The following SCAPER variants were observed in gnomAD, a reference collection of about 807,000 sequenced individuals.
SCAPER encodes the protein S-phase cyclin A associated protein in the ER, also known as S phase cyclin A-associated protein in the endoplasmic reticulum.
In SCAPER, 98 loss-of-function variants were observed where a neutral mutation model predicts 182.2. The ratio of observed to expected loss-of-function variants is 0.54; its 90% CI spans 0.46 to 0.64. SCAPER has a LOEUF of 0.64. Ranked by LOEUF, SCAPER falls within the 30% of genes least tolerant of loss-of-function variation. The probability of loss-of-function intolerance (pLI) is 0.00; values close to 1 mark genes in which losing one functional copy is unlikely to be tolerated. For missense variants in SCAPER, 1,432 were observed against 1,690.0 expected, an observed-to-expected ratio of 0.85 and a Z score of 2.68; for synonymous variants, 605 against 564.6, an observed-to-expected ratio of 1.07 and a Z score of -1.01.
intron 23 of SCAPER, among the ~76,000 whole-genome samples, chr15:76,554,644 T>TA (rs756144435): frequency 6.3e-4 from 88 of 139,928 alleles, no homozygotes; most frequent in East Asian, 3.8e-3. Flanking sequence ...AAGGTCGACA[T>TA]AAAATAAAAA....
intron 17 of SCAPER, among the ~76,000 whole-genome samples, chr15:76,713,720 G>A (rs2059723422): frequency 6.6e-6 from 1 of 151,818 alleles, no homozygotes. Context: ...CATGGCACAT[G>A]TATACATATG....
chr15:76,738,388 T>C (rs987451292), intron 15 of SCAPER, among the ~76,000 whole-genome samples: 7 of 152,148 alleles, frequency 4.6e-5, no homozygotes, highest in African/African-American at 1.7e-4. Context: ...GCATTATCAT[T>C]TCCAGCTTTT....
At chr15:76,605,338 T>C (rs79318762) in intron 22 of SCAPER, among the ~76,000 whole-genome samples, 2 of 151,808 alleles carry the variant, frequency 1.3e-5, no homozygotes, top group African/African-American at 4.8e-5. Flanking sequence ...TTGATTTGCG[T>C]ATGTTGAACC....
At chr15:76,759,279 G>T (rs1045915617) in intron 14 of SCAPER, among the ~76,000 whole-genome samples, 1 of 152,040 alleles carries the variant, frequency 6.6e-6, no homozygotes, top group Non-Finnish European at 1.5e-5. Context: ...ATTAAAAAAA[G>T]AACTTTATTT....
intron 14 of SCAPER, among the ~76,000 whole-genome samples, chr15:76,760,614 G>A (rs573531391): frequency 3.8e-4 from 58 of 152,108 alleles, no homozygotes; most frequent in Non-Finnish European, 2.1e-4. Flanking sequence ...CACCAATTCT[G>A]AGGCTATTCA....
intron 1 of SCAPER, among the ~76,000 whole-genome samples, chr15:76,884,501 G>C (rs1227770097): frequency 6.6e-6 from 1 of 152,144 alleles, no homozygotes; most frequent in South Asian, 2.1e-4. Flanking sequence ...ACAGAACACA[G>C]GGACTGGGAA....
At chr15:76,654,992 A>G (rs905891270) in intron 21 of SCAPER, among the ~76,000 whole-genome samples, 5 of 152,246 alleles carry the variant, frequency 3.3e-5, no homozygotes, top group African/African-American at 9.6e-5. Context: ...TCAAAGCCAG[A>G]GTATCTTCTT....
At chr15:76,356,976 T>C (rs141484954) in intron 29 of SCAPER, among the ~76,000 whole-genome samples, 7 of 152,220 alleles carry the variant, frequency 4.6e-5, no homozygotes, top group East Asian at 3.9e-4. Flanking sequence ...TCAAAAGACA[T>C]TGAAATGGAA....
In SCAPER at chr15:76,800,621, C is replaced by T. The variant is rs11855296; in HGVS notation, c.495-257G>A. On this transcript the variant is annotated intron_variant, in intron 6 of 31. Transcript: ENST00000563290. ...CACAGCAACACTACTCCAATTACCT[C>T]AAAAAGGTCATGGGGTTACAGGGAT... is the stretch of plus-strand genomic sequence containing the variant. Among the ~76,000 whole-genome samples the T allele has an allele frequency of 0.27, 40,379 of 151,988 alleles. 6,284 individuals are homozygous for T. The highest frequency in any genetic ancestry group is 0.56 in the East Asian group (2,866 of 5,156).
intron 23 of SCAPER, among the ~76,000 whole-genome samples, chr15:76,546,044 A>C (rs1184724756): frequency 6.6e-6 from 1 of 152,154 alleles, no homozygotes; most frequent in African/African-American, 2.4e-5. Flanking sequence ...CGCACAGAAG[A>C]AACCCAAAAA....
chr15:76,786,532 CA>C (rs1251575001), intron 8 of SCAPER, among the ~76,000 whole-genome samples: 1 of 152,088 alleles, frequency 6.6e-6, no homozygotes. Context: ...CTACAGCTAA[CA>C]TAATACTTAG....
chr15:76,709,746 A>G (rs1416948735), intron 17 of SCAPER, among the ~76,000 whole-genome samples: 1 of 152,200 alleles, frequency 6.6e-6, no homozygotes, highest in African/African-American at 2.4e-5. Context: ...ACATCACAAG[A>G]AAACTACAGA....
intron 22 of SCAPER, among the ~76,000 whole-genome samples, chr15:76,588,816 C>T (rs147115950): frequency 0.011 from 1,699 of 152,092 alleles, 38 homozygotes; most frequent in African/African-American, 0.038. Context: ...GTTAAAGAAC[C>T]TTGTTTTGCC....
intron 29 of SCAPER, among the ~76,000 whole-genome samples, chr15:76,363,757 G>T (rs2141761855): frequency 6.6e-6 from 1 of 152,282 alleles, no homozygotes. Flanking sequence ...TTGGAACAAA[G>T]AATATTTTTC....
chr15:76,874,268 A>G (rs1024899800), intron 2 of SCAPER, among the ~76,000 whole-genome samples: 4 of 152,234 alleles, frequency 2.6e-5, no homozygotes, highest in African/African-American at 4.8e-5. Context: ...GTTAAATGAT[A>G]ATAAAATGAT....
At chr15:76,485,329 G>C (rs928883273) in intron 24 of SCAPER, among the ~76,000 whole-genome samples, 1 of 152,122 alleles carries the variant, frequency 6.6e-6, no homozygotes, top group African/African-American at 2.4e-5. Flanking sequence ...GCTAACTAGG[G>C]AGGTAAAAGA....
chr15:76,900,028 T>TATAACCTTACCCCCAACCC (rs2074680923), intron 1 of SCAPER, among the ~76,000 whole-genome samples: 1 of 152,232 alleles, frequency 6.6e-6, no homozygotes, highest in Non-Finnish European at 1.5e-5. Context: ...GCTGTTAATC[T>TATAACCTTACCCCCAACCC]ATAACCTTAC....
chr15:76,381,210 A>C (rs1292520623), intron 28 of SCAPER, 168 bp downstream of exon 28: 6 of 378,060 alleles, frequency 1.6e-5, no homozygotes, highest in Non-Finnish European at 2.7e-5. Context: ...AGAGCATCTA[A>C]TACAGTTCCC....
chr15:76,480,177 A>G (rs1215693471), intron 24 of SCAPER, among the ~76,000 whole-genome samples: 1 of 152,204 alleles, frequency 6.6e-6, no homozygotes, highest in Non-Finnish European at 1.5e-5. Context: ...GGGAGAGACA[A>G]ATGTTAACAC....
Sources: allele counts gnomAD v4.1 joint callset (sites outside exome capture counted in the v4.1 genomes callset), GRCh38; gene constraint gnomAD v4.1.1; transcripts MANE v1.5; gene names NCBI Gene and HGNC (gene_info 2026-07-23, HGNC 2026-07-21).